Variants in AVEN observed in about 807,000 individuals in gnomAD.
The protein encoded by AVEN is apoptosis and caspase activation inhibitor, also known as cell death regulator Aven.
In AVEN, 41 loss-of-function variants were observed where a neutral mutation model predicts 38.1. The ratio of observed to expected loss-of-function variants is 1.08; its 90% confidence interval spans 0.84 to 1.40. AVEN has a LOEUF of 1.40. Ranked by LOEUF, AVEN falls within the 40% of genes most tolerant of loss-of-function variation. The pLI, the probability that AVEN is intolerant of heterozygous loss-of-function variation, is 0.00. For missense variants in AVEN, 605 were observed against 438.8 expected (o/e 1.38, Z -3.38); for synonymous variants, 206 against 171.8 (o/e 1.20, Z -1.56).
At chr15:33,980,157 A>G (rs907622345) in intron 2 of AVEN, among the ~76,000 whole-genome samples, 13 of 152,226 alleles carry the variant, frequency 8.5e-5, no homozygotes, top group African/African-American at 1.2e-4. Flanking sequence ...GGTACAAGGA[A>G]CCTAAACATG....
chr15:33,853,489 C>T, the AVEN span: 2 of 1,574,990 alleles, frequency 1.3e-6, no homozygotes, highest in South Asian at 2.4e-5. Context: ...CTCTGAAGAC[C>T]CCAGAGCTAG....
chr15:34,024,472 C>CAA (rs10531898), intron 1 of AVEN, among the ~76,000 whole-genome samples: 25 of 101,876 alleles, frequency 2.5e-4, no homozygotes, highest in African/African-American at 7.6e-4. Context: ...GACCCTGTCT[C>CAA]AAAAAAAAAA....
intron 2 of AVEN, among the ~76,000 whole-genome samples, chr15:33,880,354 T>C (rs555827386): frequency 2.6e-5 from 4 of 152,120 alleles, no homozygotes; most frequent in Non-Finnish European, 4.4e-5. Flanking sequence ...AAAGGTGGTA[T>C]TGAGAGGCTA....
At chr15:33,895,320 TA>T (rs1892189422) in intron 2 of AVEN, among the ~76,000 whole-genome samples, 1 of 147,914 alleles carries the variant, frequency 6.8e-6, no homozygotes, top group Non-Finnish European at 1.5e-5. Context: ...TCAATGCAAC[TA>T]TATTTCTTTT....
chr15:33,973,642 G>C (rs375322834), intron 2 of AVEN, among the ~76,000 whole-genome samples: 5 of 152,166 alleles, frequency 3.3e-5, no homozygotes, highest in African/African-American at 1.2e-4. Context: ...AGGAGTTCGA[G>C]ACCCACCTAG....
intron 2 of AVEN, among the ~76,000 whole-genome samples, chr15:33,987,749 C>T (rs907253661): frequency 1.3e-5 from 2 of 152,172 alleles, no homozygotes; most frequent in Non-Finnish European, 2.9e-5. Context: ...AAGGCAGGAA[C>T]CACTTCTGCT....
At chr15:33,993,538 G>A (rs938757400) in intron 2 of AVEN, among the ~76,000 whole-genome samples, 4 of 152,182 alleles carry the variant, frequency 2.6e-5, no homozygotes, top group Admixed American at 1.3e-4. Flanking sequence ...CACCTCTATG[G>A]TGGTAACAGA....
At chr15:33,920,469 C>G (rs1893351232) in intron 2 of AVEN, among the ~76,000 whole-genome samples, 5 of 152,212 alleles carry the variant, frequency 3.3e-5, no homozygotes, top group Non-Finnish European at 7.3e-5. Context: ...CTCAATCCCA[C>G]TACTTGTTGT....
At chr15:33,915,878 G>T (rs1331554956) in intron 2 of AVEN, among the ~76,000 whole-genome samples, 2 of 152,282 alleles carry the variant, frequency 1.3e-5, no homozygotes, top group Non-Finnish European at 2.9e-5. Context: ...CTTTTGGGCA[G>T]CGTGGGAGCT....
intron 2 of AVEN, among the ~76,000 whole-genome samples, chr15:33,950,082 G>A (rs1894677787): frequency 6.6e-6 from 1 of 152,204 alleles, no homozygotes. Flanking sequence ...TGAACCTGGA[G>A]GACATTATAA....
At chr15:33,999,620 T>G (rs1484589165) in intron 2 of AVEN, among the ~76,000 whole-genome samples, 1 of 152,170 alleles carries the variant, frequency 6.6e-6, no homozygotes, top group African/African-American at 2.4e-5. Flanking sequence ...CATTTGCAAG[T>G]GCTCTCTGCT....
At chr15:33,918,902 T>C (rs146944024) in intron 2 of AVEN, among the ~76,000 whole-genome samples, 392 of 150,974 alleles carry the variant, frequency 2.6e-3, no homozygotes, top group Non-Finnish European at 4.7e-3. Flanking sequence ...ACACATGAAA[T>C]AGCCCATGCC....
intron 2 of AVEN, among the ~76,000 whole-genome samples, chr15:33,998,776 T>C (rs1363111186): frequency 6.6e-6 from 1 of 152,226 alleles, no homozygotes; most frequent in Non-Finnish European, 1.5e-5. Flanking sequence ...TCTCTGGTTC[T>C]TTCTTCTACC....
intron 2 of AVEN, among the ~76,000 whole-genome samples, chr15:33,909,977 A>C (rs912935038): frequency 4.0e-5 from 6 of 150,936 alleles, no homozygotes; most frequent in Non-Finnish European, 5.9e-5. Flanking sequence ...AAATACAAAA[A>C]ATTAGCTGGG....
At chr15:33,856,078 C>G (rs955151626), downstream of AVEN, 4 of 152,216 alleles carry the variant, frequency 2.6e-5, no homozygotes, top group Admixed American at 2.0e-4. Context: ...GCTCACTTTA[C>G]AGATAAGAGA....
chr15:33,935,598 A>G (rs982098604), intron 2 of AVEN, among the ~76,000 whole-genome samples: 2 of 152,166 alleles, frequency 1.3e-5, no homozygotes, highest in Non-Finnish European at 2.9e-5. Flanking sequence ...ATATATGTGT[A>G]TAGATAAATA....
intron 1 of AVEN, among the ~76,000 whole-genome samples, chr15:34,007,456 T>C (rs1398792434): frequency 1.3e-5 from 2 of 152,204 alleles, no homozygotes; most frequent in Non-Finnish European, 2.9e-5. Flanking sequence ...CAGGCACGCT[T>C]TTCCTCTAGT....
intron 2 of AVEN, among the ~76,000 whole-genome samples, chr15:34,070,362 T>A (rs1405301543): frequency 1.3e-5 from 2 of 150,546 alleles, no homozygotes; most frequent in Non-Finnish European, 3.0e-5. Context: ...CTCTGGTTTA[T>A]CCCTTCTTTG....
chr15:33,912,189 A>G (rs1347878497), intron 2 of AVEN, among the ~76,000 whole-genome samples: 1 of 152,230 alleles, frequency 6.6e-6, no homozygotes, highest in Non-Finnish European at 1.5e-5. Context: ...TATCTACTTC[A>G]TAGAACTGTT....
Sources: allele counts gnomAD v4.1 joint callset (sites outside exome capture counted in the v4.1 genomes callset), GRCh38; gene constraint gnomAD v4.1.1; transcripts MANE v1.5; gene names NCBI Gene and HGNC (gene_info 2026-07-23, HGNC 2026-07-21).